Variants in PDE5A observed in about 807,000 individuals in gnomAD.
The protein encoded by PDE5A is phosphodiesterase 5A, also known as cGMP-specific 3',5'-cyclic phosphodiesterase.
PDE5A carries 67 observed loss-of-function variants against 110.2 expected under a neutral mutation model. The observed-to-expected ratio is 0.61, with a 90% CI of 0.50 to 0.75. The LOEUF (loss-of-function observed/expected upper bound fraction) is 0.75, where lower values mean the gene tolerates loss of function less well. Ranked by LOEUF, PDE5A falls within the 30% of genes least tolerant of loss-of-function variation. The pLI, the probability that PDE5A is intolerant of heterozygous loss-of-function variation, is 0.00. For synonymous variants in PDE5A, 328 were observed against 351.2 expected (o/e 0.93, Z 0.74); for missense variants, 862 against 1,045.1 (o/e 0.82, Z 2.42).
intron 9 of PDE5A, chr4:119,549,185 C>G (rs1291114814): frequency 6.6e-6 from 1 of 152,026 alleles, no homozygotes; most frequent in East Asian, 1.9e-4. Context: ...ATCAATGATT[C>G]AAAAATTCAT....
intron 1 of PDE5A, among the ~76,000 whole-genome samples, chr4:119,611,534 C>T (rs1463802402): frequency 1.3e-5 from 2 of 152,298 alleles, no homozygotes; most frequent in East Asian, 3.9e-4. Context: ...CTGACCGTGA[C>T]TAATTTATGC....
Position 119,606,937 on chromosome 4 carries a change from T to G in PDE5A, c.513A>C (p.Lys171Asn), listed in dbSNP as rs199990802. ...SHLDVTALCHKIFLHIHGLIS... is the reference protein window; with the variant it reads ...SHLDVTALCHNIFLHIHGLIS... Reference sequence around the variant, plus strand: ...TCAGTCCATGGATATGCAAGAAAATTTTGTGACATAAGGCTGTGACATCCA... The same window carrying G: ...TCAGTCCATGGATATGCAAGAAAATGTTGTGACATAAGGCTGTGACATCCA... The change falls in exon 2 of 21, where the codon AAA becomes AAC. Residue 171 changes from lysine to asparagine, a missense_variant. Transcript: ENST00000354960. 74 of 1,613,998 alleles carry G rather than the reference T, an allele frequency of 4.6e-5. No homozygotes were observed. The highest frequency in any genetic ancestry group is 6.2e-5 in the Non-Finnish European group (73 of 1,180,030).
intron 3 of PDE5A, among the ~76,000 whole-genome samples, chr4:119,576,634 A>T (rs1195147070): frequency 1.3e-5 from 2 of 152,182 alleles, no homozygotes; most frequent in African/African-American, 2.4e-5. Flanking sequence ...GTTCTTTGAA[A>T]CCAACGAGAA....
chr4:119,627,960 G>A lies in PDE5A; in HGVS notation c.152+560C>T, dbSNP rs200869759. On this transcript the variant is annotated intron_variant, in intron 1 of 20. Transcript: ENST00000354960. The surrounding 1 kb of genome is among the most constrained non-coding windows in gnomAD (Gnocchi z 4.6). Reference sequence around the variant, plus strand: ...GAAAGGAGGCGCGCGGGACAAGCAGGAGACTGGAAGGGGGGAAAAGGCAAC... The same window carrying A: ...GAAAGGAGGCGCGCGGGACAAGCAGAAGACTGGAAGGGGGGAAAAGGCAAC... 788 of 727,458 alleles carry A rather than the reference G, an allele frequency of 1.1e-3. No individual in the cohort carries two copies. The highest frequency in any genetic ancestry group is 1.3e-3 in the Non-Finnish European group (750 of 593,772). The allele number at this position is 727,458 out of a possible 1,614,324, so 45.1% of individuals were successfully genotyped here.
At chr4:119,501,440 C>G (rs1376544768) in intron 19 of PDE5A, among the ~76,000 whole-genome samples, 187 bp from the exon 20 acceptor site, 1 of 152,100 alleles carries the variant, frequency 6.6e-6, no homozygotes, top group South Asian at 2.1e-4. Context: ...CCTCCCTAGT[C>G]AGGTGTGCAG....
rs556455257 is a variant in PDE5A at position 119,544,753 on chromosome 4, G to A, written c.1397-2119C>T. Among the ~76,000 whole-genome samples the A allele has an allele frequency of 5.9e-5, 9 of 152,304 alleles. No individual in the cohort carries two copies. In the East Asian group the frequency reaches 9.7e-4, roughly 16 times the overall value. On this transcript the variant is annotated intron_variant, in intron 9 of 20. Coordinates refer to ENST00000354960, the MANE Select transcript of PDE5A (RefSeq NM_001083.4). ...GAGATGTGAATACCAGGCAATCTGC[G>A]AGGCTTATGACCTAGCTAAGTATCT...
rs148435814 is a variant in PDE5A, at chr4:119,624,880, G to A, written c.152+3640C>T. Among the ~76,000 whole-genome samples the A allele has an allele frequency of 1.9e-3, 290 of 152,294 alleles. 2 individuals are homozygous for A. The highest frequency in any genetic ancestry group is 6.2e-3 in the South Asian group (30 of 4,828). On this transcript the variant is annotated intron_variant, in intron 1 of 20. Transcript: ENST00000354960. ...GCAAATTGTCTACAATAGTGACCTG[G>A]GAGTTTTCCAGATGTGATTTATTGG...
At chr4:119,604,848 G>GT (rs1309025088) in intron 2 of PDE5A, among the ~76,000 whole-genome samples, 1 of 152,068 alleles carries the variant, frequency 6.6e-6, no homozygotes, top group Non-Finnish European at 1.5e-5. Flanking sequence ...AGTAATCGCA[G>GT]TTTTTGCCAT....
At chr4:119,524,600 C>G (rs770511522) in intron 12 of PDE5A, among the ~76,000 whole-genome samples, 1 of 152,050 alleles carries the variant, frequency 6.6e-6, no homozygotes, top group Non-Finnish European at 1.5e-5. Context: ...TTCTGTGAAG[C>G]CTTTGAGAGC....
At chr4:119,585,269 CTG>C (rs1728720878) in intron 3 of PDE5A, among the ~76,000 whole-genome samples, 1 of 48,070 alleles carries the variant, frequency 2.1e-5, no homozygotes. Flanking sequence ...GAGTGAAACT[CTG>C]TCTCAAAAAA....
At chr4:119,615,619 A>C (rs935787881) in intron 1 of PDE5A, among the ~76,000 whole-genome samples, 1 of 151,668 alleles carries the variant, frequency 6.6e-6, no homozygotes, top group Non-Finnish European at 1.5e-5. Context: ...TAAGTTCAAA[A>C]AAAAAAAAAG....
At chr4:119,591,595 A>G (rs1728967403) in intron 3 of PDE5A, among the ~76,000 whole-genome samples, 2 of 152,324 alleles carry the variant, frequency 1.3e-5, no homozygotes, top group African/African-American at 4.8e-5. Flanking sequence ...GTTTGTTTAT[A>G]CAGATATAAA....
Position 119,562,479 on chromosome 4 carries a change from C to T in PDE5A, c.1131+354G>A, listed in dbSNP as rs564988410. Among the ~76,000 whole-genome samples, 4 of 140,332 alleles carry T rather than the reference C, an allele frequency of 2.9e-5. No individual in the cohort carries two copies. The South Asian group carries it at 8.7e-4, about 30-fold the overall frequency. 92.1% of individuals were successfully genotyped at this position (140,332 alleles called of 152,430 possible). A position where few individuals can be genotyped will look rare whatever the true frequency, so the allele number is the denominator to read the frequency against. The stretch of plus-strand genomic sequence containing the variant: ...TGCCTGTTCATAGCAACTAGGTCAC[C>T]AGTATTCCTGACCATGAAAAGTCAG... On this transcript the variant is annotated intron_variant, in intron 6 of 20. Coordinates refer to ENST00000354960, the MANE Select transcript of PDE5A (RefSeq NM_001083.4).
At chr4:119,579,698 G>A (rs927895211) in intron 3 of PDE5A, among the ~76,000 whole-genome samples, 3 of 151,860 alleles carry the variant, frequency 2.0e-5, no homozygotes, top group Non-Finnish European at 2.9e-5. Context: ...TGTGGGGTGG[G>A]GGGAGTGGGG....
chr4:119,554,871 C>T (rs967204503), intron 7 of PDE5A, among the ~76,000 whole-genome samples: 1 of 152,122 alleles, frequency 6.6e-6, no homozygotes, highest in African/African-American at 2.4e-5. Flanking sequence ...GCAAATACTA[C>T]ATCATTTTAT....
rs140281959 is a variant in PDE5A at position 119,521,018 on chromosome 4, T to C, written c.1822A>G (p.Lys608Glu). 2.5e-6 allele frequency: 4 copies of C among 1,612,846 alleles called. No homozygotes were observed. In the African/African-American group the frequency reaches 5.3e-5, roughly 22 times the overall value. The change falls in exon 13 of 21, where the codon AAG (lysine) becomes GAG (glutamate). Residue 608 changes from lysine to glutamate, a missense_variant. By Grantham distance (56) the Lys-to-Glu change is moderately conservative. Coordinates refer to ENST00000354960, the MANE Select transcript of PDE5A (RefSeq NM_001083.4). ...WILSVKKNYR[K>E]NVAYHNWRHA... ...CTCCAATTATGATAGGCAACATTCT[T>C]CCGATAATTCTTCTTAACACTTAAA...
At position 119,600,991 on chromosome 4, in the gene PDE5A, A is replaced by T. The variant is rs1469385440; in HGVS notation, c.742-4379T>A. 2.6e-5 allele frequency among the ~76,000 whole-genome samples: 4 copies of T among 152,236 alleles called. No homozygotes were observed. The East Asian group carries it at 7.7e-4, about 29-fold the overall frequency. ...ACATCACATAAATATGCCTCCTTATAAGATACACTACGAAGGTGTGTGGTA... is the reference window on the plus strand; with the variant it reads ...ACATCACATAAATATGCCTCCTTATTAGATACACTACGAAGGTGTGTGGTA... On this transcript the variant is annotated intron_variant, in intron 2 of 20. Transcript: ENST00000354960.
chr4:119,627,050 G>A lies in PDE5A; in HGVS notation c.152+1470C>T. 7.6e-7 allele frequency: 1 copy of A among 1,317,208 alleles called. No homozygotes were observed. Among genetic ancestry groups the A allele is most frequent in the East Asian group, 2.4e-5 (1 of 41,158 alleles). 81.6% of individuals were successfully genotyped at this position (1,317,208 alleles called of 1,614,324 possible). A position where few individuals can be genotyped will look rare whatever the true frequency, so the allele number is the denominator to read the frequency against. On this transcript the variant is annotated intron_variant, in intron 1 of 20. Coordinates refer to ENST00000354960, the MANE Select transcript of PDE5A (RefSeq NM_001083.4). The surrounding 1 kb of genome is among the most constrained non-coding windows in gnomAD (Gnocchi z 4.6). ...TACAGTCAATTTTCAATGATACATC[G>A]TCCCACTGGTGCCACCGGGGCGCCA...
intron 9 of PDE5A, chr4:119,552,305 ACAT>A (rs1727384149): frequency 3.9e-6 from 1 of 257,942 alleles, no homozygotes; most frequent in Non-Finnish European, 7.3e-6. Flanking sequence ...AAATTTCAAT[ACAT>A]CATCAATCAT....
Sources: allele counts gnomAD v4.1 joint callset (sites outside exome capture counted in the v4.1 genomes callset), GRCh38; gene constraint gnomAD v4.1.1; non-coding constraint Gnocchi (gnomAD v3.1); transcripts MANE v1.5; gene names NCBI Gene and HGNC (gene_info 2026-07-23, HGNC 2026-07-21).